Variants in CLPTM1 observed in about 807,000 individuals in gnomAD.
CLPTM1 encodes CLPTM1 regulator of GABA type A receptor forward trafficking, also known as putative lipid scramblase CLPTM1.
In CLPTM1, 21 loss-of-function variants were observed where a neutral mutation model predicts 77.3. The ratio of observed to expected loss-of-function variants is 0.27; its 90% CI spans 0.19 to 0.39. The LOEUF (loss-of-function observed/expected upper bound fraction) is 0.39, where lower values mean the gene tolerates loss of function less well. CLPTM1 is among the 10% of genes least tolerant of loss of function. The pLI, the probability that CLPTM1 is intolerant of heterozygous loss-of-function variation, is 1.00. For missense variants in CLPTM1, 642 were observed against 921.2 expected, an observed-to-expected ratio of 0.70 and a Z score of 3.92; for synonymous variants, 373 against 381.0, an observed-to-expected ratio of 0.98 and a Z score of 0.24.
chr19:44,991,179 G>A lies in CLPTM1; in HGVS notation c.1420-59G>A, dbSNP rs1971069167. The A allele has an allele frequency of 1.9e-6, 3 of 1,605,992 alleles. No homozygotes were observed. The highest frequency in any genetic ancestry group is 1.7e-5 in the Admixed American group (1 of 59,882). On this transcript the variant is annotated intron_variant, in intron 11 of 13. Transcript: ENST00000337392. This position sits in a 1 kb window ranked among gnomAD's most constrained non-coding sequence, Gnocchi z 5.4. ...CAGGTGTGGTGGGTGAGGGCGGGGA[G>A]CAGGGCTGCCAGGCAGGGCTGAGGA... is the stretch of plus-strand genomic sequence containing the variant.
At chr19:44,954,991 C>T (rs2122222587), upstream of CLPTM1, 5 of 1,535,598 alleles carry the variant, frequency 3.3e-6, no homozygotes, top group South Asian at 3.6e-5. Flanking sequence ...CGTACAGTGG[C>T]CGGTAAAGCT....
chr19:44,955,541 T>A (rs1170307137), intron 1 of CLPTM1, 74 bp downstream of exon 1: 1 of 1,225,450 alleles, frequency 8.2e-7, no homozygotes, highest in Non-Finnish European at 1.0e-6. Context: ...GTCCTACCTC[T>A]TGTCACGGAA....
chr19:44,958,688 A>G (rs1425490240), intron 1 of CLPTM1, among the ~76,000 whole-genome samples: 1 of 152,082 alleles, frequency 6.6e-6, no homozygotes, highest in Non-Finnish European at 1.5e-5. Context: ...TATAATTTAG[A>G]TGGTATAACG....
chr19:44,967,051 C>T (rs1970643421), intron 2 of CLPTM1, among the ~76,000 whole-genome samples: 1 of 152,150 alleles, frequency 6.6e-6, no homozygotes, highest in Admixed American at 6.5e-5. Flanking sequence ...TCGTGTTAGC[C>T]AGGATAGTCT....
chr19:44,973,454 A>G (rs1203776398), intron 3 of CLPTM1, among the ~76,000 whole-genome samples: 2 of 152,206 alleles, frequency 1.3e-5, no homozygotes, highest in Non-Finnish European at 2.9e-5. Flanking sequence ...TTTGGTTAAA[A>G]TAGGTTAAAT....
chr19:44,990,129 A>AC lies in CLPTM1; in HGVS notation c.1133-264dup, dbSNP rs1971045403. On this transcript the variant is annotated intron_variant, in intron 9 of 13. Coordinates refer to ENST00000337392, the MANE Select transcript of CLPTM1 (RefSeq NM_001294.4). The surrounding 1 kb of genome is among the most constrained non-coding windows in gnomAD (Gnocchi z 4.8). ...CCTGTCCATGGCACCAGTCACCGTC[A>AC]CCATCAGTCAAGGGACTGCACCTTG... is the stretch of plus-strand genomic sequence containing the variant. 1 of 481,206 alleles carries AC rather than the reference A, an allele frequency of 2.1e-6. No homozygotes were observed. Among genetic ancestry groups the AC allele is most frequent in the South Asian group, 3.7e-5 (1 of 26,776 alleles). 29.8% of individuals were successfully genotyped at this position (481,206 alleles called of 1,614,324 possible).
intron 5 of CLPTM1, among the ~76,000 whole-genome samples, chr19:44,982,136 G>T (rs1970906645): frequency 6.6e-6 from 1 of 151,404 alleles, no homozygotes; most frequent in Admixed American, 6.6e-5. Flanking sequence ...ATCACTTGAG[G>T]CCAGGAGTTT....
chr19:44,973,034 A>G, intron 2 of CLPTM1, 53 bp from the exon 3 acceptor site: 3 of 1,600,790 alleles, frequency 1.9e-6, no homozygotes, highest in Non-Finnish European at 1.7e-6. Context: ...AGGCGGGTCT[A>G]TGGCGGAGAG....
intron 7 of CLPTM1, 151 bp downstream of exon 7, chr19:44,986,726 G>C: frequency 3.0e-6 from 3 of 995,782 alleles, no homozygotes; most frequent in Non-Finnish European, 4.3e-6. Context: ...CCCTTCCCAT[G>C]TCCTCTCCCT....
intron 2 of CLPTM1, among the ~76,000 whole-genome samples, chr19:44,970,855 C>T (rs1970706705): frequency 8.0e-6 from 1 of 125,616 alleles, no homozygotes. Flanking sequence ...TTGAGATGGA[C>T]TTTTTGCTCT....
In CLPTM1 at chr19:44,991,553, A is replaced by G. The variant is rs1357632023; in HGVS notation, c.1555+180A>G. ...GGGGTCAGAGAGGACTTCAGGGAGGACATGAACAGTACGCTTCAGTCCTCA... is the reference window on the plus strand; with the variant it reads ...GGGGTCAGAGAGGACTTCAGGGAGGGCATGAACAGTACGCTTCAGTCCTCA... On this transcript the variant is annotated intron_variant, in intron 12 of 13. Coordinates refer to ENST00000337392, the MANE Select transcript of CLPTM1 (RefSeq NM_001294.4). The surrounding 1 kb of genome is among the most constrained non-coding windows in gnomAD (Gnocchi z 5.4). 1.3e-5 allele frequency among the ~76,000 whole-genome samples: 2 copies of G among 152,142 alleles called. No homozygotes were observed. The highest frequency in any genetic ancestry group is 2.9e-5 in the Non-Finnish European group (2 of 67,998).
chr19:44,955,016 C>T (rs1215861272), upstream of CLPTM1: 1 of 1,535,554 alleles, frequency 6.5e-7, no homozygotes, highest in Non-Finnish European at 8.7e-7. Context: ...AAACATGGAA[C>T]GAAAAGGACG....
At chr19:44,974,679 A>G in intron 4 of CLPTM1, 82 bp downstream of exon 4, 8 of 1,518,820 alleles carry the variant, frequency 5.3e-6, no homozygotes, top group Non-Finnish European at 7.2e-6. Context: ...CTCCTTGCTG[A>G]GAGCATGTGG....
chr19:44,979,600 A>G (rs1444577673), intron 5 of CLPTM1, among the ~76,000 whole-genome samples: 1 of 151,968 alleles, frequency 6.6e-6, no homozygotes, highest in East Asian at 1.9e-4. Context: ...ATTTTTTTTT[A>G]TCACCTATAC....
chr19:44,986,194 G>T (rs1970974703), intron 6 of CLPTM1, among the ~76,000 whole-genome samples: 1 of 151,630 alleles, frequency 6.6e-6, no homozygotes, highest in Admixed American at 6.6e-5. Flanking sequence ...CCAAAAAAGA[G>T]AAAAAAGAAA....
Position 44,990,812 on chromosome 19 carries a change from A to T in CLPTM1, c.1324-38A>T. 1 of 1,544,976 alleles carries T rather than the reference A, an allele frequency of 6.5e-7. No individual in the cohort carries two copies. Among genetic ancestry groups the T allele is most frequent in the Non-Finnish European group, 8.9e-7 (1 of 1,120,456 alleles). On this transcript the variant is annotated intron_variant, in intron 10 of 13. Coordinates refer to ENST00000337392, the MANE Select transcript of CLPTM1 (RefSeq NM_001294.4). The surrounding 1 kb of genome is among the most constrained non-coding windows in gnomAD (Gnocchi z 4.8). ...GGTTCTGGCTTGTGGGGTGGGAGCC[A>T]GCGTAGCAACTGACCATGGCACCCA... is the stretch of plus-strand genomic sequence containing the variant.
intron 9 of CLPTM1, among the ~76,000 whole-genome samples, chr19:44,989,273 C>T (rs1470054402): frequency 4.6e-5 from 7 of 152,242 alleles, no homozygotes; most frequent in Non-Finnish European, 8.8e-5. Flanking sequence ...TACCAGCTGT[C>T]GCTGGGAGAC....
intron 1 of CLPTM1, chr19:44,955,745 T>G: frequency 2.8e-6 from 1 of 355,236 alleles, no homozygotes; most frequent in Non-Finnish European, 5.0e-6. Context: ...GGCGCAGGCT[T>G]GTACCTTGGC....
chr19:44,991,468 C>A lies in CLPTM1; in HGVS notation c.1555+95C>A. The A allele has an allele frequency of 6.7e-7, 1 of 1,490,836 alleles. No individual in the cohort carries two copies. The highest frequency in any genetic ancestry group is 9.1e-7 in the Non-Finnish European group (1 of 1,096,822). 92.4% of individuals were successfully genotyped at this position (1,490,836 alleles called of 1,614,324 possible). A position where few individuals can be genotyped will look rare whatever the true frequency, so the allele number is the denominator to read the frequency against. On this transcript the variant is annotated intron_variant, in intron 12 of 13. Transcript: ENST00000337392. This position sits in a 1 kb window ranked among gnomAD's most constrained non-coding sequence, Gnocchi z 5.4. ...AGACAGACCCATCCCCAGACAGGGA[C>A]AACCTAGGGTGGGCAGAGCTGGGAT...
Sources: gnomAD v4.1 joint callset for allele counts (sites outside exome capture counted in the v4.1 genomes callset) on GRCh38, gnomAD v4.1.1 for gene constraint, Gnocchi (gnomAD v3.1) non-coding constraint, MANE v1.5 for transcripts, NCBI Gene and HGNC (gene_info 2026-07-23, HGNC 2026-07-21) for gene names.